The following NTM variants were observed in gnomAD, a reference collection of about 807,000 sequenced individuals.
NTM encodes the protein IgLON family member 2.
Under a neutral mutation model 42.1 loss-of-function variants are expected in NTM, and 13 were observed. The ratio of observed to expected loss-of-function variants is 0.31; its 90% CI spans 0.20 to 0.49. The LOEUF (loss-of-function observed/expected upper bound fraction) is 0.49, where lower values mean the gene tolerates loss of function less well. Ranked by LOEUF, NTM falls within the 20% of genes least tolerant of loss-of-function variation. The pLI is 0.99. For missense variants in NTM, 373 were observed against 452.8 expected (o/e 0.82, Z 1.60); for synonymous variants, 187 against 179.2 (o/e 1.04, Z -0.35).
At chr11:131,641,601 G>C (rs2065140070) in intron 1 of NTM, among the ~76,000 whole-genome samples, 1 of 152,198 alleles carries the variant, frequency 6.6e-6, no homozygotes, top group Non-Finnish European at 1.5e-5. Flanking sequence ...AGGGGGGGAA[G>C]CTATGGGTTG....
rs114162486 is a variant in NTM, at chr11:132,334,791, A to C, written c.968-255A>C. Among the ~76,000 whole-genome samples the C allele has an allele frequency of 8.0e-3, 1,216 of 151,858 alleles. 17 individuals carry two copies. The highest frequency in any genetic ancestry group is 0.028 in the African/African-American group (1,158 of 41,392). On this transcript the variant is annotated intron_variant, in intron 8 of 8. Coordinates refer to ENST00000683400, the MANE Select transcript of NTM (RefSeq NM_001352005.2). The stretch of plus-strand genomic sequence containing the variant: ...TTTGCATGTTATGACACAGTAAGGA[A>C]GAAGGCCCAGGACACTTTAACCTGA...
intron 1 of NTM, among the ~76,000 whole-genome samples, chr11:131,713,391 C>G (rs564263439): frequency 5.9e-5 from 9 of 152,210 alleles, no homozygotes; most frequent in African/African-American, 2.2e-4. Flanking sequence ...CCAGCCTAGT[C>G]TGTCTCAATT....
In NTM at chr11:131,598,747, C is replaced by CTTTG. The variant is rs59632464; in HGVS notation, c.82+227862_82+227863insGTTT. Among the ~76,000 whole-genome samples the CTTTG allele has an allele frequency of 8.5e-3, 621 of 73,422 alleles. 48 individuals are homozygous for CTTTG. Among genetic ancestry groups the CTTTG allele is most frequent in the African/African-American group, 0.028 (596 of 21,274 alleles). 48.2% of individuals were successfully genotyped at this position (73,422 alleles called of 152,430 possible). A position where few individuals can be genotyped will look rare whatever the true frequency, so the allele number is the denominator to read the frequency against. Reference sequence around the variant, plus strand: ...TCTTTCTTTCTTTCTTTCTTTCTTTCTTTCTTTCTTCTTTCTTTTTTTCTT... The same window carrying CTTTG: ...TCTTTCTTTCTTTCTTTCTTTCTTTCTTTGTTTCTTTCTTCTTTCTTTTTTTCTT... On this transcript the variant is annotated intron_variant, in intron 1 of 8. Coordinates refer to ENST00000683400, the MANE Select transcript of NTM (RefSeq NM_001352005.2).
chr11:131,547,721 G>GACT (rs1241430752), intron 1 of NTM, among the ~76,000 whole-genome samples: 2 of 152,198 alleles, frequency 1.3e-5, no homozygotes, highest in African/African-American at 4.8e-5. Context: ...CGTCAAGAGT[G>GACT]ACTATACTAT....
At chr11:132,253,257 T>C (rs1160603741) in intron 4 of NTM, among the ~76,000 whole-genome samples, 1 of 152,198 alleles carries the variant, frequency 6.6e-6, no homozygotes, top group East Asian at 1.9e-4. Flanking sequence ...TTTCTATGCA[T>C]GACTTCTAAT....
chr11:132,289,822 G>A (rs1027723486), intron 4 of NTM, among the ~76,000 whole-genome samples: 1 of 152,184 alleles, frequency 6.6e-6, no homozygotes, highest in South Asian at 2.1e-4. Context: ...GGGCAGGGTC[G>A]AGGGAAGGAA....
rs778048368 is a variant in NTM at position 132,313,372 on chromosome 11, GTTA to G, written c.783-1175_783-1173del. Among the ~76,000 whole-genome samples, 17 of 152,150 alleles carry G rather than the reference GTTA, an allele frequency of 1.1e-4. No individual in the cohort carries two copies. The East Asian group carries it at 2.9e-3, about 26-fold the overall frequency. ...ATCTGTTCCAGTGTGCTCCCGCCAT[GTTA>G]TTATCTGCTTGCTACAAGCTGTGCT... is the stretch of plus-strand genomic sequence containing the variant. On this transcript the variant is annotated intron_variant, in intron 6 of 8. Coordinates refer to ENST00000683400, the MANE Select transcript of NTM (RefSeq NM_001352005.2).
intron 4 of NTM, among the ~76,000 whole-genome samples, chr11:132,285,993 C>A (rs2094215250): frequency 6.6e-6 from 1 of 152,176 alleles, no homozygotes; most frequent in South Asian, 2.1e-4. Context: ...TGGGCACCTG[C>A]AAACTAAGAG....
At chr11:132,178,627 T>C (rs944291145) in intron 3 of NTM, among the ~76,000 whole-genome samples, 2 of 152,220 alleles carry the variant, frequency 1.3e-5, no homozygotes, top group African/African-American at 4.8e-5. Context: ...AAATATGACC[T>C]GGACAATTGA....
intron 1 of NTM, among the ~76,000 whole-genome samples, chr11:131,581,806 T>C (rs547358384): frequency 3.7e-4 from 57 of 152,322 alleles, no homozygotes; most frequent in African/African-American, 1.3e-3. Context: ...ACTTCACTTA[T>C]GAAACCCAGC....
At chr11:131,837,481 A>G (rs2043652644) in intron 1 of NTM, among the ~76,000 whole-genome samples, 1 of 152,146 alleles carries the variant, frequency 6.6e-6, no homozygotes, top group African/African-American at 2.4e-5. Flanking sequence ...ATGAGTTACT[A>G]TTTAGGAGAG....
In NTM at chr11:132,002,867, T is replaced by C. The variant is rs895802975; in HGVS notation, c.167+91219T>C. On this transcript the variant is annotated intron_variant, in intron 2 of 8. Coordinates refer to ENST00000683400, the MANE Select transcript of NTM (RefSeq NM_001352005.2). The surrounding 1 kb of genome is among the most constrained non-coding windows in gnomAD (Gnocchi z 4.5). ...AAAGTCCTAGAACAAAGCCTGCACA[T>C]AGCAAGCTCTTAGCCAATGTTAGCA... 6.7e-6 allele frequency among the ~76,000 whole-genome samples: 1 copy of C among 148,674 alleles called. No individual in the cohort carries two copies. Among genetic ancestry groups the C allele is most frequent in the African/African-American group, 2.6e-5 (1 of 38,072 alleles).
At chr11:131,987,914 A>C (rs2066351886) in intron 2 of NTM, among the ~76,000 whole-genome samples, 1 of 152,258 alleles carries the variant, frequency 6.6e-6, no homozygotes, top group Non-Finnish European at 1.5e-5. Flanking sequence ...TGACTCATGC[A>C]CACTGTCTAC....
At chr11:132,107,339 C>CT (rs780844735) in intron 2 of NTM, among the ~76,000 whole-genome samples, 2,522 of 88,842 alleles carry the variant, frequency 0.028, 365 homozygotes, top group African/African-American at 0.06. Flanking sequence ...AAGATTTATC[C>CT]TTTTTTTTTT....
Position 131,959,476 on chromosome 11 carries a change from A to T in NTM, c.167+47828A>T, listed in dbSNP as rs370596281. On this transcript the variant is annotated intron_variant, in intron 2 of 8. Transcript: ENST00000683400. ...AACCCCATCTTTACAAAATAAAATA[A>T]TTAAAAAAAATTAGCCAGGTGTAGT... Among the ~76,000 whole-genome samples, 8 of 152,210 alleles carry T rather than the reference A, an allele frequency of 5.3e-5. 1 individual carries two copies. The highest frequency in any genetic ancestry group is 1.9e-4 in the African/African-American group (8 of 41,512).
intron 1 of NTM, among the ~76,000 whole-genome samples, chr11:131,383,445 A>T (rs1942940255): frequency 6.6e-6 from 1 of 152,210 alleles, no homozygotes; most frequent in Non-Finnish European, 1.5e-5. Context: ...AAGATATGTT[A>T]AAGCTGAGAG....
intron 1 of NTM, among the ~76,000 whole-genome samples, chr11:131,801,147 G>T (rs1253294178): frequency 6.6e-6 from 1 of 152,190 alleles, no homozygotes; most frequent in African/African-American, 2.4e-5. Context: ...AATCAAACCT[G>T]CTGTGACCCA....
At chr11:132,065,595 A>C (rs2056353166) in intron 2 of NTM, among the ~76,000 whole-genome samples, 1 of 152,202 alleles carries the variant, frequency 6.6e-6, no homozygotes, top group African/African-American at 2.4e-5. Context: ...AAACTCATAA[A>C]GTTAGAAACC....
intron 2 of NTM, among the ~76,000 whole-genome samples, chr11:131,967,019 G>A (rs2062923755): frequency 6.6e-6 from 1 of 152,178 alleles, no homozygotes; most frequent in African/African-American, 2.4e-5. Flanking sequence ...AGGGCTTCTG[G>A]CCAAGTTGCC....
Sources: allele counts gnomAD v4.1 joint callset (sites outside exome capture counted in the v4.1 genomes callset), GRCh38; gene constraint gnomAD v4.1.1; non-coding constraint Gnocchi (gnomAD v3.1); transcripts MANE v1.5; gene names NCBI Gene and HGNC (gene_info 2026-07-23, HGNC 2026-07-21).